BARD1: variants seen among roughly 807,000 people sequenced by gnomAD.
BARD1 encodes BRCA1 associated RING domain 1.
A neutral mutation model predicts 77.0 loss-of-function variants in BARD1; 73 were observed. The observed-to-expected ratio is 0.95, with a 90% CI of 0.79 to 1.15. The LOEUF is 1.15. Among genes scored for constraint, BARD1 ranks in the 50% most tolerant of loss-of-function variants. The pLI is 0.00. For missense variants in BARD1, 993 were observed against 938.8 expected (o/e 1.06, Z -0.75); for synonymous variants, 384 against 338.0 (o/e 1.14, Z -1.49).
At chr2:214,755,011 C>T (rs1015113559) in intron 6 of BARD1, among the ~76,000 whole-genome samples, 1 of 152,136 alleles carries the variant, frequency 6.6e-6, no homozygotes, top group African/African-American at 2.4e-5. Context: ...ATTATTTGGG[C>T]ACAATAATGT....
chr2:214,794,314 C>A (rs1009959804), intron 2 of BARD1, among the ~76,000 whole-genome samples: 1 of 151,992 alleles, frequency 6.6e-6, no homozygotes, highest in African/African-American at 2.4e-5. Flanking sequence ...AGAAGAATAG[C>A]CACAATTATC....
chr2:214,737,832 AAC>A (rs1003656599), intron 9 of BARD1, among the ~76,000 whole-genome samples: 6 of 152,310 alleles, frequency 3.9e-5, no homozygotes, highest in South Asian at 2.1e-4. Flanking sequence ...TTCCATTTAA[AAC>A]ACAGTTACAT....
At chr2:214,742,961 C>A (rs1692915054) in intron 9 of BARD1, among the ~76,000 whole-genome samples, 1 of 152,170 alleles carries the variant, frequency 6.6e-6, no homozygotes, top group African/African-American at 2.4e-5. Context: ...ATTTTTTAAA[C>A]ACTGAGGCTC....
Position 214,769,218 on chromosome 2 carries a change from A to T in BARD1, c.1395+14T>A, listed in dbSNP as rs781216748. On this transcript the variant is annotated intron_variant, in intron 5 of 10. Transcript: ENST00000260947. The stretch of plus-strand genomic sequence containing the variant: ...AAAACACAGAAAGAATGAGAATAAA[A>T]ACCAGACAACTACCAATGGTGTCCA... The T allele has an allele frequency of 6.2e-7, 1 of 1,601,302 alleles. No individual in the cohort carries two copies. The highest frequency in any genetic ancestry group is 1.7e-5 in the Admixed American group (1 of 60,004).
chr2:214,794,319 A>C (rs1327437537), intron 2 of BARD1, among the ~76,000 whole-genome samples: 1 of 152,164 alleles, frequency 6.6e-6, no homozygotes, highest in Non-Finnish European at 1.5e-5. Context: ...AATAGCCACA[A>C]TTATCTAAAA....
In BARD1 at chr2:214,726,303, G is replaced by C; in HGVS notation, c.*2373C>G. ...CAAAGTGGCAGCTGTCAAGGAAAAA[G>C]GGAAACAGTTATAAATTCAAGTAGA... On this transcript the variant is annotated 3_prime_UTR_variant, in exon 11 of 11. Coordinates refer to ENST00000260947, the MANE Select transcript of BARD1 (RefSeq NM_000465.4). The C allele has an allele frequency of 5.0e-6, 1 of 200,190 alleles. No individual in the cohort carries two copies. The highest frequency in any genetic ancestry group is 1.0e-5 in the Non-Finnish European group (1 of 97,002). 12.4% of individuals were successfully genotyped at this position (200,190 alleles called of 1,614,324 possible). A position where few individuals can be genotyped will look rare whatever the true frequency, so the allele number is the denominator to read the frequency against.
intron 4 of BARD1, among the ~76,000 whole-genome samples, chr2:214,780,112 T>A (rs1448375731): frequency 6.6e-6 from 1 of 152,190 alleles, no homozygotes; most frequent in African/African-American, 2.4e-5. Flanking sequence ...AATGTCCCGG[T>A]CATTGGAGAA....
chr2:214,809,594 C>G lies in BARD1; in HGVS notation c.-25G>C, dbSNP rs1242320192. 2 of 1,532,802 alleles carry G rather than the reference C, an allele frequency of 1.3e-6. No homozygotes were observed. Among genetic ancestry groups the G allele is most frequent in the Non-Finnish European group, 1.8e-6 (2 of 1,142,658 alleles). The allele number at this position is 1,532,802 out of a possible 1,614,324, so 95.0% of individuals were successfully genotyped here. ...TCGTCCCGCCTTCGGATGAAAGGCTCCTCGCAGAGCGGGAAGCAAGGAAGC... is the reference window on the plus strand; with the variant it reads ...TCGTCCCGCCTTCGGATGAAAGGCTGCTCGCAGAGCGGGAAGCAAGGAAGC... On this transcript the variant is annotated 5_prime_UTR_variant, in exon 1 of 11. Coordinates refer to ENST00000260947, the MANE Select transcript of BARD1 (RefSeq NM_000465.4).
intron 7 of BARD1, among the ~76,000 whole-genome samples, chr2:214,746,423 C>T (rs1693118929): frequency 6.6e-6 from 1 of 152,010 alleles, no homozygotes; most frequent in African/African-American, 2.4e-5. Flanking sequence ...AGTAAGAAGT[C>T]CATATAGCTC....
intron 2 of BARD1, among the ~76,000 whole-genome samples, chr2:214,794,772 T>G (rs1279020045): frequency 6.6e-6 from 1 of 152,180 alleles, no homozygotes; most frequent in Non-Finnish European, 1.5e-5. Context: ...TTTTAAAACC[T>G]CATTGCTGAG....
chr2:214,766,282 GT>G (rs1250194629), intron 6 of BARD1, among the ~76,000 whole-genome samples: 1 of 152,062 alleles, frequency 6.6e-6, no homozygotes, highest in Non-Finnish European at 1.5e-5. Flanking sequence ...TGTGAATGAT[GT>G]AAAAAATTTA....
At position 214,780,694 on chromosome 2, in the gene BARD1, T is replaced by C. The variant is rs587782548; in HGVS notation, c.1180A>G (p.Thr394Ala). The C allele has an allele frequency of 1.3e-5, 21 of 1,614,040 alleles. No homozygotes were observed. Among genetic ancestry groups the C allele is most frequent in the Non-Finnish European group, 1.8e-5 (21 of 1,180,016 alleles). The change falls in exon 4 of 11, where the codon ACA becomes GCA. Residue 394 changes from threonine to alanine, a missense_variant. By Grantham distance (58) the Thr-to-Ala change is moderately conservative. Coordinates refer to ENST00000260947, the MANE Select transcript of BARD1 (RefSeq NM_000465.4). Reference sequence around the variant, plus strand: ...GAACTACTTAATGTAGAAGGTGGTGTACCTGGTGAAAGACTAATGAATTCA... The same window carrying C: ...GAACTACTTAATGTAGAAGGTGGTGCACCTGGTGAAAGACTAATGAATTCA... ...SDEFISLSPGTPPSTLSSSSY... is the reference protein window; with the variant it reads ...SDEFISLSPGAPPSTLSSSSY...
intron 3 of BARD1, among the ~76,000 whole-genome samples, chr2:214,785,079 TCTACCTCTTCC>T (rs1695212229): frequency 5.7e-5 from 2 of 35,390 alleles, no homozygotes; most frequent in Admixed American, 4.5e-4. Context: ...TTTTCTTCCC[TCTACCTCTTCC>T]CCTTAATTTA....
At chr2:214,739,922 T>C (rs1000180872) in intron 9 of BARD1, among the ~76,000 whole-genome samples, 9 of 152,178 alleles carry the variant, frequency 5.9e-5, no homozygotes, top group African/African-American at 1.7e-4. Flanking sequence ...TAAATTCTAT[T>C]GCAAAAATAT....
intron 1 of BARD1, among the ~76,000 whole-genome samples, chr2:214,807,310 A>G (rs952532749): frequency 6.6e-6 from 1 of 152,024 alleles, no homozygotes; most frequent in Non-Finnish European, 1.5e-5. Context: ...GTCTGTTTAC[A>G]CTCCGTTGCC....
At chr2:214,801,149 A>T (rs1036840611) in intron 1 of BARD1, among the ~76,000 whole-genome samples, 7 of 152,200 alleles carry the variant, frequency 4.6e-5, no homozygotes, top group Non-Finnish European at 1.0e-4. Flanking sequence ...ACGTTCATGT[A>T]TAACTTTATT....
intron 1 of BARD1, among the ~76,000 whole-genome samples, chr2:214,808,051 T>G (rs1165635374): frequency 1.3e-5 from 2 of 152,236 alleles, no homozygotes; most frequent in Non-Finnish European, 2.9e-5. Flanking sequence ...GTCACAGATA[T>G]TAAAAGTTTT....
At chr2:214,740,572 T>G (rs1692777186) in intron 9 of BARD1, among the ~76,000 whole-genome samples, 1 of 152,050 alleles carries the variant, frequency 6.6e-6, no homozygotes. Context: ...GATATAATTT[T>G]GATGTGTTTA....
intron 7 of BARD1, among the ~76,000 whole-genome samples, chr2:214,751,133 A>ACATTTTTTTTTTTTTTTTTTTTT (rs1693409109): frequency 6.1e-5 from 1 of 16,274 alleles, no homozygotes. Context: ...ATATATATAT[A>ACATTTTTTTTTTTTTTTTTTTTT]TATATATATA....
Sources: allele counts gnomAD v4.1 joint callset (sites outside exome capture counted in the v4.1 genomes callset), GRCh38; gene constraint gnomAD v4.1.1; transcripts MANE v1.5; gene names NCBI Gene and HGNC (gene_info 2026-07-23, HGNC 2026-07-21).